MDGA1: variants seen among roughly 807,000 people sequenced by gnomAD.
MDGA1 encodes the protein MAM domain containing glycosylphosphatidylinositol anchor 1.
Under a neutral mutation model 101.5 loss-of-function variants are expected in MDGA1, and 54 were observed. The ratio of observed to expected loss-of-function variants is 0.53; its 90% CI spans 0.43 to 0.67. The LOEUF is 0.67. Ranked by LOEUF, MDGA1 falls within the 30% of genes least tolerant of loss-of-function variation. MDGA1 has a pLI of 0.00. For missense variants in MDGA1, 1,083 were observed against 1,323.8 expected, an observed-to-expected ratio of 0.82 and a Z score of 2.82; for synonymous variants, 533 against 558.3, an observed-to-expected ratio of 0.95 and a Z score of 0.64.
chr6:37,635,428 G>A lies in MDGA1; in HGVS notation c.*1940C>T, dbSNP rs1173093576. On this transcript the variant is annotated 3_prime_UTR_variant, in exon 17 of 17. Transcript: ENST00000434837. ...TTAAGGAACAATACCCGACAGACGC[G>A]ATGGAAGTGTATGCTGAGAACCTGG... 2 of 398,700 alleles carry A rather than the reference G, an allele frequency of 5.0e-6. No homozygotes were observed. The highest frequency in any genetic ancestry group is 8.8e-6 in the Non-Finnish European group (2 of 226,128). 24.7% of individuals were successfully genotyped at this position (398,700 alleles called of 1,614,324 possible).
intron 5 of MDGA1, 26 bp downstream of exon 5, chr6:37,654,774 G>C: frequency 6.2e-7 from 1 of 1,613,386 alleles, no homozygotes; most frequent in Non-Finnish European, 8.5e-7. Flanking sequence ...GGTAGGGAAG[G>C]AGTATGGGGA....
At position 37,647,160 on chromosome 6, in the gene MDGA1, C is replaced by T. The variant is rs759187586; in HGVS notation, c.2046+13G>A. The T allele has an allele frequency of 1.3e-6, 2 of 1,588,020 alleles. No homozygotes were observed. Among genetic ancestry groups the T allele is most frequent in the Non-Finnish European group, 8.6e-7 (1 of 1,167,364 alleles). On this transcript the variant is annotated intron_variant, in intron 10 of 16. Transcript: ENST00000434837. ...TCCACCTGCCCCCAGGCCCCCGCTCCCCCTTGGCCCACCTGGCGGATGCTG... is the reference window on the plus strand; with the variant it reads ...TCCACCTGCCCCCAGGCCCCCGCTCTCCCTTGGCCCACCTGGCGGATGCTG...
chr6:37,644,170 C>T (rs1372964494), intron 13 of MDGA1, among the ~76,000 whole-genome samples: 1 of 151,144 alleles, frequency 6.6e-6, no homozygotes, highest in Admixed American at 6.6e-5. Context: ...TGCCTCACCC[C>T]ACGCATCCTG....
chr6:37,676,502 C>T (rs937413562), intron 1 of MDGA1, among the ~76,000 whole-genome samples: 1 of 152,252 alleles, frequency 6.6e-6, no homozygotes, highest in African/African-American at 2.4e-5. Flanking sequence ...GGCTAAGGCA[C>T]TGGATTTGGG....
At position 37,646,228 on chromosome 6, in the gene MDGA1, T is replaced by G; in HGVS notation, c.2194A>C (p.Met732Leu). Residue 732 changes from methionine to leucine, a missense_variant, in exon 11 of 17, where the codon ATG becomes CTG. Met to Leu is a conservative substitution (Grantham distance 15). Coordinates refer to ENST00000434837, the MANE Select transcript of MDGA1 (RefSeq NM_153487.4). ...GTGTAGTGGATGATGCGGGAGGCCA[T>G]GTCACCAGCCCCGAAGGTGGTATAG... ...TPYTTFGAGD[M>L]ASRIIHYTEP... 1 of 1,591,348 alleles carries G rather than the reference T, an allele frequency of 6.3e-7. No homozygotes were observed. Among genetic ancestry groups the G allele is most frequent in the Non-Finnish European group, 8.6e-7 (1 of 1,166,228 alleles).
chr6:37,664,216 G>T lies in MDGA1; in HGVS notation c.68-110C>A, dbSNP rs1761692617. 5.7e-6 allele frequency: 8 copies of T among 1,412,122 alleles called. No individual in the cohort carries two copies. In the Admixed American group the frequency reaches 1.2e-4, roughly 22 times the overall value. The allele number at this position is 1,412,122 out of a possible 1,614,324, so 87.5% of individuals were successfully genotyped here. ...GGAGGGGTCAGCCCAGATCTCCCCAGGCCATTCCTCAGAGGCCTGACCCCA... is the reference window on the plus strand; with the variant it reads ...GGAGGGGTCAGCCCAGATCTCCCCATGCCATTCCTCAGAGGCCTGACCCCA... On this transcript the variant is annotated intron_variant, in intron 1 of 16. Coordinates refer to ENST00000434837, the MANE Select transcript of MDGA1 (RefSeq NM_153487.4).
chr6:37,637,349 G>T lies in MDGA1; in HGVS notation c.*19C>A. ...GGTGTGCCGGGGGCAAGGTTGGGGG[G>T]GTGGCCACACAGCTCTCATCATCTC... On this transcript the variant is annotated 3_prime_UTR_variant, in exon 17 of 17. Coordinates refer to ENST00000434837, the MANE Select transcript of MDGA1 (RefSeq NM_153487.4). The T allele has an allele frequency of 2.5e-6, 4 of 1,594,888 alleles. No homozygotes were observed. Among genetic ancestry groups the T allele is most frequent in the South Asian group, 1.1e-5 (1 of 90,398 alleles).
Position 37,684,895 on chromosome 6 carries a change from C to T in MDGA1, c.67+11850G>A, listed in dbSNP as rs376293745. Among the ~76,000 whole-genome samples, 9 of 152,124 alleles carry T rather than the reference C, an allele frequency of 5.9e-5. No homozygotes were observed. In the East Asian group the frequency reaches 1.3e-3, roughly 23 times the overall value. ...GGTCCCCTGCATTTTACTGGAACAC[C>T]GGAATCAAACCCAAGTAGATGAGGC... On this transcript the variant is annotated intron_variant, in intron 1 of 16. Transcript: ENST00000434837.
chr6:37,664,209 C>T (rs1761692363), intron 1 of MDGA1, 103 bp from the exon 2 acceptor site: 1 of 1,431,020 alleles, frequency 7.0e-7, no homozygotes, highest in Non-Finnish European at 9.6e-7. Flanking sequence ...CAGCCCAGAT[C>T]TCCCCAGGCC....
rs555183881 is a variant in MDGA1, at chr6:37,635,447, A to C, written c.*1921T>G. ...AGACGCGATGGAAGTGTATGCTGAG[A>C]ACCTGGAGCGACTCATTTCAGACAG... On this transcript the variant is annotated 3_prime_UTR_variant, in exon 17 of 17. Transcript: ENST00000434837. 4.5e-4 allele frequency: 180 copies of C among 398,760 alleles called. No homozygotes were observed. The highest frequency in any genetic ancestry group is 3.5e-3 in the African/African-American group (169 of 48,766). The allele number at this position is 398,760 out of a possible 1,614,324, so 24.7% of individuals were successfully genotyped here.
In MDGA1 at chr6:37,658,326, T is replaced by G; in HGVS notation, c.301A>C (p.Thr101Pro). The change falls in exon 3 of 17, where the codon ACG becomes CCG. Residue 101 changes from threonine to proline, a missense_variant. This residue lies in a region of MDGA1 where 310 missense variants were observed against 355.9 expected (regional missense o/e 0.87). Transcript: ENST00000434837. ...TTGCAGTAGTAGCGGCCGCCCTGCG[T>G]GCGTGCAATACGCTCGATGCGCAGC... ...ETLRIERIAR[T>P]QGGRYYCKAE... 6.2e-7 allele frequency: 1 copy of G among 1,613,026 alleles called. No individual in the cohort carries two copies.
chr6:37,689,677 C>T (rs1762269444), intron 1 of MDGA1, among the ~76,000 whole-genome samples: 1 of 152,196 alleles, frequency 6.6e-6, no homozygotes, highest in Non-Finnish European at 1.5e-5. Context: ...AACTACTTCA[C>T]TTCCCCAAAC....
At chr6:37,676,008 C>G (rs1406747283) in intron 1 of MDGA1, among the ~76,000 whole-genome samples, 2 of 152,210 alleles carry the variant, frequency 1.3e-5, no homozygotes, top group Non-Finnish European at 2.9e-5. Flanking sequence ...AGAGAATGGA[C>G]ATAACAGGGC....
intron 7 of MDGA1, 64 bp from the exon 8 acceptor site, chr6:37,650,469 G>A: frequency 9.2e-6 from 13 of 1,408,176 alleles, no homozygotes; most frequent in South Asian, 4.7e-5. Flanking sequence ...ACTGGGCTCT[G>A]CCTTCTGGCT....
chr6:37,664,218 C>A, intron 1 of MDGA1, 112 bp from the exon 2 acceptor site: 1 of 1,400,382 alleles, frequency 7.1e-7, no homozygotes, highest in Non-Finnish European at 9.9e-7. Flanking sequence ...TCTCCCCAGG[C>A]CATTCCTCAG....
Position 37,649,235 on chromosome 6 carries a change from G to T in MDGA1, c.1641C>A (p.Asp547Glu), listed in dbSNP as rs946258328. The T allele has an allele frequency of 4.0e-6, 6 of 1,508,302 alleles. 1 individual carries two copies. In the Admixed American group the frequency reaches 8.4e-5, roughly 21 times the overall value. The allele number at this position is 1,508,302 out of a possible 1,614,324, so 93.4% of individuals were successfully genotyped here. ...FPPEVEPSSQ[D>E]VRQALGRPVL... The stretch of plus-strand genomic sequence containing the variant: ...CGGGCCGGCCCAGCGCCTGGCGCAC[G>T]TCCTGGGAACTGGGCTCCACCTCCG... Residue 547 changes from aspartate to glutamate, a missense_variant, in exon 9 of 17, where the codon GAC becomes GAA. Physicochemically the swap from Asp to Glu is conservative, Grantham distance 45. Around this residue, in one of 3 missense-constraint regions of MDGA1, gnomAD observed 657 missense variants for 771.4 expected, o/e 0.85. Coordinates refer to ENST00000434837, the MANE Select transcript of MDGA1 (RefSeq NM_153487.4).
At chr6:37,668,887 G>A (rs1213037255) in intron 1 of MDGA1, among the ~76,000 whole-genome samples, 3 of 151,812 alleles carry the variant, frequency 2.0e-5, no homozygotes, top group South Asian at 2.1e-4. Context: ...TAGCTCTGTC[G>A]CCCAGGCTGG....
intron 7 of MDGA1, among the ~76,000 whole-genome samples, chr6:37,651,365 A>G (rs1761356995): frequency 6.6e-6 from 1 of 152,264 alleles, no homozygotes; most frequent in African/African-American, 2.4e-5. Flanking sequence ...CATGTTCCAC[A>G]TTAAATATAA....
chr6:37,645,926 G>A lies in MDGA1; in HGVS notation c.2248+7C>T, dbSNP rs1329445697. 1.2e-6 allele frequency: 2 copies of A among 1,613,910 alleles called. No individual in the cohort carries two copies. Among genetic ancestry groups the A allele is most frequent in the East Asian group, 2.2e-5 (1 of 44,900 alleles). On this transcript the variant is annotated splice_region_variant and intron_variant, in intron 12 of 16. Transcript: ENST00000434837. ...AGGGGAAGTCATGGGTGACTGGGGA[G>A]TCTCACCTGAAAGGTTCGGAGAGTT...
Sources: allele counts gnomAD v4.1 joint callset (sites outside exome capture counted in the v4.1 genomes callset), GRCh38; gene constraint gnomAD v4.1.1; regional missense constraint gnomAD v4.1.1; transcripts MANE v1.5; gene names NCBI Gene and HGNC (gene_info 2026-07-23, HGNC 2026-07-21).